CEP162: variants seen among roughly 807,000 people sequenced by gnomAD.
The protein encoded by CEP162 is centrosomal protein of 162 kDa.
CEP162 carries 141 observed loss-of-function variants against 169.2 expected under a neutral mutation model. The ratio of observed to expected loss-of-function variants is 0.83; its 90% CI spans 0.73 to 0.96. The LOEUF (loss-of-function observed/expected upper bound fraction) is 0.96. Ranked by LOEUF, CEP162 falls within the 40% of genes least tolerant of loss-of-function variation. CEP162 has a pLI of 0.00. For missense variants in CEP162, 1,600 were observed against 1,587.2 expected (o/e 1.01, Z -0.14); for synonymous variants, 540 against 526.4 (o/e 1.03, Z -0.35).
intron 6 of CEP162, among the ~76,000 whole-genome samples, chr6:84,204,928 G>A (rs1481924584): frequency 1.3e-5 from 2 of 151,988 alleles, no homozygotes; most frequent in Non-Finnish European, 1.5e-5. Flanking sequence ...AACCACCATC[G>A]GAGAATACTA....
intron 9 of CEP162, among the ~76,000 whole-genome samples, chr6:84,199,158 T>C (rs1335582955): frequency 6.6e-6 from 1 of 152,128 alleles, no homozygotes; most frequent in East Asian, 1.9e-4. Context: ...TGCGAGGGGA[T>C]AGACTATCAA....
chr6:84,149,850 T>C (rs2099520450), intron 23 of CEP162, 147 bp from the exon 24 acceptor site: 1 of 513,424 alleles, frequency 1.9e-6, no homozygotes, highest in South Asian at 6.1e-5. Flanking sequence ...AGGTGCTTTA[T>C]ACATTACTAC....
chr6:84,149,175 A>C (rs2099520190), intron 24 of CEP162, among the ~76,000 whole-genome samples: 1 of 152,082 alleles, frequency 6.6e-6, no homozygotes, highest in African/African-American at 2.4e-5. Context: ...AGAATGCCTA[A>C]GGATAACTGT....
intron 6 of CEP162, among the ~76,000 whole-genome samples, chr6:84,206,871 T>C (rs542022590): frequency 1.5e-4 from 23 of 152,024 alleles, no homozygotes; most frequent in African/African-American, 5.1e-4. Flanking sequence ...AACAAATTTA[T>C]AAGAAAAAAT....
chr6:84,136,933 G>GTCTTCC (rs2099514368), intron 25 of CEP162, among the ~76,000 whole-genome samples: 1 of 152,200 alleles, frequency 6.6e-6, no homozygotes, highest in Admixed American at 6.5e-5. Flanking sequence ...GGGGGACTTT[G>GTCTTCC]TATGAACTGA....
intron 13 of CEP162, among the ~76,000 whole-genome samples, chr6:84,183,914 G>C (rs192029500): frequency 6.6e-6 from 1 of 152,128 alleles, no homozygotes; most frequent in East Asian, 1.9e-4. Context: ...CTTTTCTCTT[G>C]TAACCTCCAA....
chr6:84,184,724 T>C (rs547094745), intron 13 of CEP162, among the ~76,000 whole-genome samples: 1 of 151,962 alleles, frequency 6.6e-6, no homozygotes, highest in Non-Finnish European at 1.5e-5. Flanking sequence ...CTCACTCTTT[T>C]GGTACTCTCA....
At chr6:84,199,953 C>G (rs2099543780) in intron 9 of CEP162, among the ~76,000 whole-genome samples, 2 of 152,288 alleles carry the variant, frequency 1.3e-5, no homozygotes, top group African/African-American at 4.8e-5. Flanking sequence ...GAGAGTTCTA[C>G]ATAAGATTTC....
At chr6:84,189,691 C>T (rs559728321) in intron 11 of CEP162, among the ~76,000 whole-genome samples, 20 of 152,352 alleles carry the variant, frequency 1.3e-4, no homozygotes, top group African/African-American at 3.8e-4. Flanking sequence ...GCCTCCCCGA[C>T]GAGCACCACC....
At position 84,169,353 on chromosome 6, in the gene CEP162, A is replaced by T. The variant is rs750260587; in HGVS notation, c.2360T>A (p.Leu787Gln). Reference protein sequence around the residue: ...EPTRNQNFTDLLAELRMAQKE... With the variant: ...EPTRNQNFTDQLAELRMAQKE... ...CTGTGCCATCCGTAGTTCTGCTAAC[A>T]GATCTGTAAAATTCTGATTTCTTGT... Residue 787 changes from leucine to glutamine, a missense_variant, in exon 18 of 27, where the codon CTG (leucine) becomes CAG (glutamine). Leu to Gln is a moderately radical substitution (Grantham distance 113). Transcript: ENST00000403245. 3.2e-6 allele frequency: 5 copies of T among 1,578,812 alleles called. No individual in the cohort carries two copies. The highest frequency in any genetic ancestry group is 4.3e-6 in the Non-Finnish European group (5 of 1,161,328).
In CEP162 at chr6:84,203,987, G is replaced by C; in HGVS notation, c.681C>G (p.Pro227=). The change falls in exon 7 of 27, where the codon CCC becomes CCG. Residue 227 remains proline (P), a synonymous_variant. Coordinates refer to ENST00000403245, the MANE Select transcript of CEP162 (RefSeq NM_014895.4). ...ATATAATTGATATATATACCTGTTT[G>C]GGCACACTTATTTTTTCTGATTTGG... is the stretch of plus-strand genomic sequence containing the variant. ...ENSKSEKISV[P]KQEEEKTGML... The C allele has an allele frequency of 1.3e-6, 2 of 1,598,056 alleles. No homozygotes were observed. Among genetic ancestry groups the C allele is most frequent in the Non-Finnish European group, 1.7e-6 (2 of 1,170,354 alleles).
chr6:84,175,186 A>G lies in CEP162; in HGVS notation c.1797+28T>C, dbSNP rs1158801324. On this transcript the variant is annotated intron_variant, in intron 14 of 26. Transcript: ENST00000403245. Reference sequence around the variant, plus strand: ...TTAATATAATTTTAGAACATAAAACATTATGATTATTAATTTTGAATACCT... The same window carrying G: ...TTAATATAATTTTAGAACATAAAACGTTATGATTATTAATTTTGAATACCT... 4 of 1,414,268 alleles carry G rather than the reference A, an allele frequency of 2.8e-6. No individual in the cohort carries two copies. In the African/African-American group the frequency reaches 4.3e-5, roughly 15 times the overall value. 87.6% of individuals were successfully genotyped at this position (1,414,268 alleles called of 1,614,324 possible). A position where few individuals can be genotyped will look rare whatever the true frequency, so the allele number is the denominator to read the frequency against.
intron 25 of CEP162, among the ~76,000 whole-genome samples, chr6:84,127,324 C>CTAATAA (rs58643412): frequency 0.11 from 16,172 of 151,938 alleles, 1,343 homozygotes; most frequent in African/African-American, 0.24. Context: ...AACAATAATA[C>CTAATAA]TAATACTAAA....
intron 12 of CEP162, 49 bp from the exon 13 acceptor site, chr6:84,185,497 A>G: frequency 1.4e-6 from 2 of 1,468,266 alleles, no homozygotes; most frequent in African/African-American, 1.4e-5. Flanking sequence ...AACTTTAACT[A>G]TTGTTGTAAA....
intron 25 of CEP162, among the ~76,000 whole-genome samples, chr6:84,142,440 T>C (rs1337367154): frequency 1.3e-5 from 2 of 152,176 alleles, no homozygotes; most frequent in African/African-American, 4.8e-5. Context: ...ATTTTTTTTC[T>C]ACCTTTGGAC....
intron 21 of CEP162, among the ~76,000 whole-genome samples, chr6:84,157,765 T>C (rs946122659): frequency 2.0e-5 from 3 of 152,158 alleles, no homozygotes; most frequent in Non-Finnish European, 2.9e-5. Flanking sequence ...CCTCATATGA[T>C]AGTGCTTCTA....
At chr6:84,130,756 T>G (rs2099511013) in intron 25 of CEP162, among the ~76,000 whole-genome samples, 1 of 151,996 alleles carries the variant, frequency 6.6e-6, no homozygotes, top group African/African-American at 2.4e-5. Flanking sequence ...CTTCTCTTCT[T>G]TATTAATTTG....
At chr6:84,193,761 C>G (rs868701260) in intron 10 of CEP162, 71 bp from the exon 11 acceptor site, 1 of 790,586 alleles carries the variant, frequency 1.3e-6, no homozygotes, top group East Asian at 2.8e-5. Flanking sequence ...TGTAATAACA[C>G]CAAAATTATA....
chr6:84,161,779 T>G lies in CEP162; in HGVS notation c.2643A>C (p.Glu881Asp). 1 of 1,598,410 alleles carries G rather than the reference T, an allele frequency of 6.3e-7. No individual in the cohort carries two copies. The highest frequency in any genetic ancestry group is 8.5e-7 in the Non-Finnish European group (1 of 1,172,078). Residue 881 changes from glutamate (E) to aspartate (D), a missense_variant, in exon 20 of 27, where the codon GAA (glutamate) becomes GAC (aspartate). Glu to Asp is a conservative substitution (Grantham distance 45, BLOSUM62 2). Transcript: ENST00000403245. ...TGAGCTTCTCAATTTCCTCATTTGC[T>G]TCTCTAAGCCGAAGTGCATCTTTAT... Reference protein sequence around the residue: ...LLDKDALRLREANEEIEKLKL... With the variant: ...LLDKDALRLRDANEEIEKLKL...
Sources: gnomAD v4.1 joint callset for allele counts (sites outside exome capture counted in the v4.1 genomes callset) on GRCh38, gnomAD v4.1.1 for gene constraint, MANE v1.5 for transcripts, NCBI Gene and HGNC (gene_info 2026-07-23, HGNC 2026-07-21) for gene names.